Variants in GNG2 observed in about 807,000 individuals in gnomAD.
The protein encoded by GNG2 is G protein subunit gamma 2, also known as guanine nucleotide-binding protein G(I)/G(S)/G(O) subunit gamma-2.
Under a neutral mutation model 5.5 loss-of-function variants are expected in GNG2, and 5 were observed. That is an observed-to-expected ratio of 0.91 (90% confidence interval 0.48 to 1.92). The LOEUF is 1.92. GNG2 is among the 30% of genes most tolerant of loss of function. The pLI, the probability that GNG2 is intolerant of heterozygous loss-of-function variation, is 0.01. For synonymous variants in GNG2, 28 were observed against 32.0 expected (o/e 0.88, Z 0.42); for missense variants, 55 against 88.4 (o/e 0.62, Z 1.52).
At chr14:51,903,906 G>T (rs142289467) in intron 2 of GNG2, among the ~76,000 whole-genome samples, 263 of 152,328 alleles carry the variant, frequency 1.7e-3, no homozygotes, top group African/African-American at 5.5e-3. Flanking sequence ...CAACCTCAGA[G>T]AATTTTGTTC....
intron 2 of GNG2, among the ~76,000 whole-genome samples, chr14:51,942,725 G>C (rs912779652): frequency 6.6e-6 from 1 of 150,558 alleles, no homozygotes; most frequent in African/African-American, 2.4e-5. Context: ...GACCCGGTTA[G>C]ATTATTAGAA....
intron 2 of GNG2, among the ~76,000 whole-genome samples, chr14:51,848,151 C>T (rs1237204205): frequency 6.6e-6 from 1 of 152,042 alleles, no homozygotes; most frequent in Non-Finnish European, 1.5e-5. Flanking sequence ...ATTCTTATAG[C>T]CCTAGTTTCA....
chr14:51,886,946 C>T (rs573164939), intron 2 of GNG2, among the ~76,000 whole-genome samples: 4 of 152,246 alleles, frequency 2.6e-5, no homozygotes, highest in Admixed American at 2.0e-4. Context: ...ACCTTCATCA[C>T]GGAAGTCTTG....
chr14:51,966,231 A>AAAAAAAAAAAAAAAAAAAAAAAG lies in GNG2; in HGVS notation c.88-322_88-321insAAAAAAAAAAAAAAAAGAAAAAA, dbSNP rs61013183. Among the ~76,000 whole-genome samples the AAAAAAAAAAAAAAAAAAAAAAAG allele has an allele frequency of 8.3e-5, 9 of 108,576 alleles. 1 individual carries two copies. Among genetic ancestry groups the AAAAAAAAAAAAAAAAAAAAAAAG allele is most frequent in the Non-Finnish European group, 1.4e-4 (7 of 50,206 alleles). 71.2% of individuals were successfully genotyped at this position (108,576 alleles called of 152,430 possible). On this transcript the variant is annotated intron_variant, in intron 3 of 3. Transcript: ENST00000556766. Reference sequence around the variant, plus strand: ...TCTCAAAAAAAAAAAAAAAAAAAAAAAAAAAACAAATGAAGGAGACAGCCA... The same window carrying AAAAAAAAAAAAAAAAAAAAAAAG: ...TCTCAAAAAAAAAAAAAAAAAAAAAAAAAAAAAAAAAAAAAAAAAAAAGAAAAAACAAATGAAGGAGACAGCCA...
chr14:51,827,781 C>T, exon 2 of GNG2: 1 of 698,278 alleles, frequency 1.4e-6, no homozygotes, highest in Non-Finnish European at 2.6e-6. Context: ...GAAAGAGAAG[C>T]AAGAGATGGT....
At position 51,928,366 on chromosome 14, in the gene GNG2, G is replaced by A. The variant is rs183843658; in HGVS notation, c.-29-22284G>A. Among the ~76,000 whole-genome samples the A allele has an allele frequency of 2.0e-4, 31 of 152,172 alleles. No individual in the cohort carries two copies. In the East Asian group the frequency reaches 6.0e-3, roughly 29 times the overall value. On this transcript the variant is annotated intron_variant, in intron 2 of 3. Transcript: ENST00000556766. Reference sequence around the variant, plus strand: ...TATTACCGGTGAACTTAAAATTAAGGTGATATATTTTCTTCTGGCTGACAA... The same window carrying A: ...TATTACCGGTGAACTTAAAATTAAGATGATATATTTTCTTCTGGCTGACAA...
intron 1 of GNG2, among the ~76,000 whole-genome samples, chr14:51,872,844 G>T (rs770835703): frequency 8.5e-5 from 13 of 152,152 alleles, no homozygotes; most frequent in Non-Finnish European, 8.8e-5. Context: ...TTGTTTTGTA[G>T]ATTTGTTTAA....
chr14:51,872,665 A>G (rs1338049427), intron 1 of GNG2, among the ~76,000 whole-genome samples: 2 of 152,212 alleles, frequency 1.3e-5, no homozygotes, highest in Non-Finnish European at 2.9e-5. Flanking sequence ...TTTGCCTCCC[A>G]TGAGAAAATA....
intron 1 of GNG2, among the ~76,000 whole-genome samples, chr14:51,826,578 C>T (rs1225854573): frequency 2.0e-5 from 3 of 152,020 alleles, no homozygotes; most frequent in Non-Finnish European, 2.9e-5. Context: ...ATGCTGAGTG[C>T]AGTGATGTGG....
At chr14:51,878,645 C>A (rs935305546) in intron 2 of GNG2, among the ~76,000 whole-genome samples, 1 of 152,134 alleles carries the variant, frequency 6.6e-6, no homozygotes, top group Non-Finnish European at 1.5e-5. Flanking sequence ...ATCAGTCCTT[C>A]CTTAGGATAA....
At chr14:51,952,328 A>G (rs1238911923) in intron 3 of GNG2, among the ~76,000 whole-genome samples, 2 of 152,206 alleles carry the variant, frequency 1.3e-5, no homozygotes, top group Non-Finnish European at 2.9e-5. Flanking sequence ...TGAGATCACT[A>G]AAGCGACCTT....
At chr14:51,953,684 T>A (rs1889112576) in intron 3 of GNG2, among the ~76,000 whole-genome samples, 1 of 152,202 alleles carries the variant, frequency 6.6e-6, no homozygotes, top group Non-Finnish European at 1.5e-5. Flanking sequence ...AAGTGACAGA[T>A]TATTTTTAGT....
At chr14:51,909,814 T>C (rs553795553) in intron 2 of GNG2, among the ~76,000 whole-genome samples, 31 of 152,224 alleles carry the variant, frequency 2.0e-4, no homozygotes, top group Non-Finnish European at 4.3e-4. Flanking sequence ...GAGAAATGGA[T>C]TGTGGAAACC....
In GNG2 at chr14:51,832,146, G is replaced by A. The variant is rs1881214194; in HGVS notation, c.64+4339G>A. Among the ~76,000 whole-genome samples, 2 of 151,984 alleles carry A rather than the reference G, an allele frequency of 1.3e-5. 1 individual carries two copies. The highest frequency in any genetic ancestry group is 2.9e-5 in the Non-Finnish European group (2 of 67,998). ...AATACAAAAATTAGTCGGGCATGGTGGCACACACATATGGTTTCAGCTACT... is the reference window on the plus strand; with the variant it reads ...AATACAAAAATTAGTCGGGCATGGTAGCACACACATATGGTTTCAGCTACT... On this transcript the variant is annotated intron_variant, in intron 2 of 3. Transcript: ENST00000553432.
intron 1 of GNG2, among the ~76,000 whole-genome samples, chr14:51,826,728 G>C (rs1881039728): frequency 2.0e-5 from 3 of 152,138 alleles, no homozygotes. Context: ...ACACTTGATG[G>C]GACCAACGTT....
chr14:51,864,514 A>C (rs1482965144), intron 1 of GNG2, among the ~76,000 whole-genome samples: 2 of 152,222 alleles, frequency 1.3e-5, no homozygotes, highest in African/African-American at 4.8e-5. Context: ...TGCGTAAATA[A>C]AATACTCCTC....
chr14:51,839,025 T>C (rs1413713644), intron 2 of GNG2, among the ~76,000 whole-genome samples: 1 of 141,058 alleles, frequency 7.1e-6, no homozygotes, highest in Non-Finnish European at 1.5e-5. Context: ...AGACTACCTA[T>C]TGTCATGATT....
At chr14:51,963,841 C>T (rs141954300) in intron 3 of GNG2, among the ~76,000 whole-genome samples, 1 of 152,254 alleles carries the variant, frequency 6.6e-6, no homozygotes, top group African/African-American at 2.4e-5. Context: ...AAATTTAACT[C>T]AATGTCTGGA....
chr14:51,832,116 C>CA (rs1279376133), intron 2 of GNG2, among the ~76,000 whole-genome samples: 10 of 145,464 alleles, frequency 6.9e-5, no homozygotes, highest in Admixed American at 4.8e-4. Flanking sequence ...CCTGTCTGTA[C>CA]AAAAAATACA....
Sources: allele counts gnomAD v4.1 joint callset (sites outside exome capture counted in the v4.1 genomes callset), GRCh38; gene constraint gnomAD v4.1.1; transcripts MANE v1.5; gene names NCBI Gene and HGNC (gene_info 2026-07-23, HGNC 2026-07-21).